The following DST variants were observed in gnomAD, a reference collection of about 807,000 sequenced individuals.
DST encodes bullous pemphigoid antigen.
In DST, 253 loss-of-function variants were observed where a neutral mutation model predicts 875.2. The ratio of observed to expected loss-of-function variants is 0.29; its 90% CI spans 0.26 to 0.32. The LOEUF is 0.32. Ranked by LOEUF, DST falls within the 10% of genes least tolerant of loss-of-function variation. The probability of loss-of-function intolerance (pLI) is 1.00; values close to 1 mark genes in which losing one functional copy is unlikely to be tolerated. For synonymous variants in DST, 3,124 were observed against 3,197.1 expected (o/e 0.98, Z 0.77); for missense variants, 8,287 against 9,111.6 (o/e 0.91, Z 3.68).
chr6:56,818,385 T>C (rs913019682), intron 4 of DST, among the ~76,000 whole-genome samples: 4 of 152,154 alleles, frequency 2.6e-5, no homozygotes, highest in East Asian at 1.9e-4. Flanking sequence ...TGGGTGTATA[T>C]ATAACATGGG....
At chr6:56,564,135 C>T (rs533472140) in intron 55 of DST, among the ~76,000 whole-genome samples, 2 of 152,182 alleles carry the variant, frequency 1.3e-5, no homozygotes, top group East Asian at 1.9e-4. Context: ...AGCTTGATGG[C>T]GATAGCACTG....
chr6:56,615,997 A>G lies in DST; in HGVS notation c.4930-1513T>C. 1 of 1,614,202 alleles carries G rather than the reference A, an allele frequency of 6.2e-7. No homozygotes were observed. The highest frequency in any genetic ancestry group is 8.5e-7 in the Non-Finnish European group (1 of 1,180,040). On this transcript the variant is annotated intron_variant, in intron 36 of 103. Coordinates refer to ENST00000680361, the MANE Select transcript of DST (RefSeq NM_001374736.1). ...GGTACTTTTTGCCAGTAAGAGGATC[A>G]ATTATGCCCCCTGTACTGACTTGGG...
chr6:56,788,547 A>T (rs947064837), intron 4 of DST, among the ~76,000 whole-genome samples: 5 of 152,228 alleles, frequency 3.3e-5, no homozygotes, highest in African/African-American at 4.8e-5. Flanking sequence ...CAAATTATGT[A>T]AGTAACAAAA....
chr6:56,789,085 C>T (rs561663404), intron 4 of DST, among the ~76,000 whole-genome samples: 26 of 152,112 alleles, frequency 1.7e-4, no homozygotes, highest in Non-Finnish European at 2.4e-4. Flanking sequence ...TGGTTCACAC[C>T]TATAATCCCA....
chr6:56,906,513 G>C (rs950262155), intron 2 of DST, among the ~76,000 whole-genome samples: 1 of 152,050 alleles, frequency 6.6e-6, no homozygotes, highest in Non-Finnish European at 1.5e-5. Flanking sequence ...TGCTGGCCAA[G>C]GGAAGAGTCA....
At chr6:56,661,494 G>A (rs527899221) in intron 10 of DST, among the ~76,000 whole-genome samples, 81 of 152,252 alleles carry the variant, frequency 5.3e-4, no homozygotes, top group African/African-American at 1.9e-3. Flanking sequence ...CAGCATGCGG[G>A]GGGAGGGGAA....
chr6:56,594,104 A>G lies in DST; in HGVS notation c.12285T>C (p.Tyr4095=). 1.2e-6 allele frequency: 2 copies of G among 1,607,308 alleles called. No homozygotes were observed. Among genetic ancestry groups the G allele is most frequent in the Non-Finnish European group, 1.7e-6 (2 of 1,177,936 alleles). Residue 4095 remains tyrosine (Y), a synonymous_variant, in exon 48 of 104, where the codon TAT becomes TAC. Coordinates refer to ENST00000680361, the MANE Select transcript of DST (RefSeq NM_001374736.1). ...AQVLLEKQGQ[Y]LSPEEKEKLQ... is the part of the protein sequence containing the mutation. Reference sequence around the variant, plus strand: ...GTTTCTCTTTTTCTTCAGGAGAGAGATACTGACCCTGTTTCTCAAGCAACA... The same window carrying G: ...GTTTCTCTTTTTCTTCAGGAGAGAGGTACTGACCCTGTTTCTCAAGCAACA...
At chr6:56,620,213 ATTAAT>A in intron 36 of DST, 1 of 1,613,448 alleles carries the variant, frequency 6.2e-7, no homozygotes, top group Non-Finnish European at 8.5e-7. Context: ...TAATTCTTCC[ATTAAT>A]TTATTTTTTT....
chr6:56,614,992 A>T, intron 36 of DST: 1 of 994,778 alleles, frequency 1.0e-6, no homozygotes, highest in Non-Finnish European at 1.2e-6. Flanking sequence ...ACATTGTGGT[A>T]AACATTTTAA....
chr6:56,700,390 A>T lies in DST; in HGVS notation c.955-645T>A, dbSNP rs60304191. 6.1e-3 allele frequency among the ~76,000 whole-genome samples: 936 copies of T among 152,338 alleles called. 11 individuals are homozygous for T. The highest frequency in any genetic ancestry group is 0.022 in the African/African-American group (909 of 41,578). On this transcript the variant is annotated intron_variant, in intron 8 of 103. Coordinates refer to ENST00000680361, the MANE Select transcript of DST (RefSeq NM_001374736.1). The stretch of plus-strand genomic sequence containing the variant: ...AAGTGAGAAGTCCTAAATATTTGAG[A>T]TCTTAAAATTAGAAAAAATTTTGTC...
chr6:56,907,274 A>G (rs957988600), intron 2 of DST, among the ~76,000 whole-genome samples: 4 of 152,236 alleles, frequency 2.6e-5, no homozygotes, highest in Non-Finnish European at 5.9e-5. Flanking sequence ...TCAGACAGTC[A>G]GGTCCTGTTA....
chr6:56,475,460 A>G (rs1422761775), intron 92 of DST, among the ~76,000 whole-genome samples: 3 of 151,576 alleles, frequency 2.0e-5, no homozygotes, highest in African/African-American at 7.3e-5. Context: ...TTAATTGCTT[A>G]ACCAACTGAG....
intron 13 of DST, among the ~76,000 whole-genome samples, chr6:56,647,215 T>C (rs2098948166): frequency 6.6e-6 from 1 of 152,242 alleles, no homozygotes; most frequent in African/African-American, 2.4e-5. Context: ...CGTCTGTTGG[T>C]CATTAAGCAC....
intron 58 of DST, 103 bp downstream of exon 58, chr6:56,560,191 C>A (rs1046551873): frequency 2.8e-5 from 33 of 1,172,642 alleles, no homozygotes; most frequent in Non-Finnish European, 3.6e-5. Context: ...AAAGCAAATC[C>A]AAAAATAAGT....
chr6:56,772,070 C>A (rs1250003494), intron 4 of DST, among the ~76,000 whole-genome samples: 1 of 152,004 alleles, frequency 6.6e-6, no homozygotes, highest in Non-Finnish European at 1.5e-5. Flanking sequence ...AGAGTAACAC[C>A]CTAGCATGTG....
chr6:56,714,794 AT>A lies in DST; in HGVS notation c.688-10426del, dbSNP rs2099389239. ...AAAACCTCTGCTGTGATATTTCTCT[AT>A]TGATAACTCCTCCTCTAGTTACTGA... On this transcript the variant is annotated intron_variant, in intron 5 of 103. Coordinates refer to ENST00000680361, the MANE Select transcript of DST (RefSeq NM_001374736.1). This position sits in a 1 kb window ranked among gnomAD's most constrained non-coding sequence, Gnocchi z 4.5. Among the ~76,000 whole-genome samples, 3 of 152,172 alleles carry A rather than the reference AT, an allele frequency of 2.0e-5. No homozygotes were observed. The South Asian group carries it at 6.2e-4, about 32-fold the overall frequency.
chr6:56,639,045 A>C (rs2098853030), intron 22 of DST: 1 of 597,256 alleles, frequency 1.7e-6, no homozygotes. Context: ...TCAGCCACAG[A>C]GGCTGACAAG....
chr6:56,879,421 A>AGT (rs2127630819), intron 3 of DST, among the ~76,000 whole-genome samples: 1 of 152,128 alleles, frequency 6.6e-6, no homozygotes, highest in Admixed American at 6.5e-5. Flanking sequence ...CAGTGAGCAG[A>AGT]GATCACGCCA....
chr6:56,629,065 C>T (rs1338228880), intron 32 of DST, among the ~76,000 whole-genome samples, 185 bp downstream of exon 32: 4 of 152,022 alleles, frequency 2.6e-5, no homozygotes, highest in Admixed American at 2.0e-4. Context: ...TGAAAAAATG[C>T]TTATTTTAAG....
Sources: allele counts gnomAD v4.1 joint callset (sites outside exome capture counted in the v4.1 genomes callset), GRCh38; gene constraint gnomAD v4.1.1; non-coding constraint Gnocchi (gnomAD v3.1); transcripts MANE v1.5; gene names NCBI Gene and HGNC (gene_info 2026-07-23, HGNC 2026-07-21).